KIF18A: variants seen among roughly 807,000 people sequenced by gnomAD.
KIF18A encodes the protein kinesin family member 18A, also known as kinesin-like protein KIF18A.
A neutral mutation model predicts 103.3 loss-of-function variants in KIF18A; 67 were observed. The ratio of observed to expected loss-of-function variants is 0.65; its 90% CI spans 0.53 to 0.79. The LOEUF is 0.79. Ranked by LOEUF, KIF18A falls within the 30% of genes least tolerant of loss-of-function variation. KIF18A has a pLI of 0.00. For missense variants in KIF18A, 1,032 were observed against 1,062.5 expected (o/e 0.97, Z 0.40); for synonymous variants, 367 against 355.5 (o/e 1.03, Z -0.36).
intron 13 of KIF18A, among the ~76,000 whole-genome samples, chr11:28,042,361 TC>T (rs1159537812): frequency 1.3e-5 from 2 of 151,876 alleles, no homozygotes; most frequent in Non-Finnish European, 2.9e-5. Context: ...CTCTGCATAT[TC>T]ATCTCTGGAC....
In KIF18A at chr11:28,088,582, T is replaced by C; in HGVS notation, c.839A>G (p.Asn280Ser). ...AAGAGCTAAAAGTGATCTATTAATATTTGTGCCTTCTACAAATCGGGTCCC... is the reference window on the plus strand; with the variant it reads ...AAGAGCTAAAAGTGATCTATTAATACTTGTGCCTTCTACAAATCGGGTCCC... ...AKGTRFVEGT[N>S]INRSLLALGN... The change falls in exon 6 of 17, where the codon AAT becomes AGT. Residue 280 changes from asparagine (N) to serine (S), a missense_variant. Asn to Ser is a conservative substitution (Grantham distance 46, BLOSUM62 1). Coordinates refer to ENST00000263181, the MANE Select transcript of KIF18A (RefSeq NM_031217.4). 6.2e-7 allele frequency: 1 copy of C among 1,614,080 alleles called. No homozygotes were observed.
At chr11:28,093,291 G>A (rs1478093637) in intron 3 of KIF18A, among the ~76,000 whole-genome samples, 1 of 152,092 alleles carries the variant, frequency 6.6e-6, no homozygotes, top group Non-Finnish European at 1.5e-5. Flanking sequence ...CAAAGAAAAT[G>A]AGTTTTACTT....
chr11:28,033,911 A>C (rs1177088612), intron 15 of KIF18A, among the ~76,000 whole-genome samples: 1 of 151,724 alleles, frequency 6.6e-6, no homozygotes, highest in Non-Finnish European at 1.5e-5. Context: ...ATTTACACTG[A>C]TGTGATTATT....
intron 11 of KIF18A, among the ~76,000 whole-genome samples, chr11:28,066,418 A>G (rs1850924232): frequency 6.6e-6 from 1 of 152,022 alleles, no homozygotes; most frequent in African/African-American, 2.4e-5. Context: ...GTTGCATTCT[A>G]TGATGAGCCT....
intron 15 of KIF18A, among the ~76,000 whole-genome samples, chr11:28,030,826 A>T (rs1590661861): frequency 2.0e-5 from 3 of 149,812 alleles, no homozygotes; most frequent in South Asian, 4.3e-4. Flanking sequence ...AACTCAAACA[A>T]ATTTACAAGA....
rs768620595 is a variant in KIF18A, at chr11:28,035,508, G to C, written c.2397-14C>G. On this transcript the variant is annotated splice_polypyrimidine_tract_variant and intron_variant, in intron 14 of 16. Coordinates refer to ENST00000263181, the MANE Select transcript of KIF18A (RefSeq NM_031217.4). ...GAAGGATCAAGCCTGTATATTAATAGTGACAAATAAAAAATAATAATTTTG... is the reference window on the plus strand; with the variant it reads ...GAAGGATCAAGCCTGTATATTAATACTGACAAATAAAAAATAATAATTTTG... 7.1e-7 allele frequency: 1 copy of C among 1,416,012 alleles called. No homozygotes were observed. Among genetic ancestry groups the C allele is most frequent in the South Asian group, 1.5e-5 (1 of 68,898 alleles). The allele number at this position is 1,416,012 out of a possible 1,614,324, so 87.7% of individuals were successfully genotyped here. A position where few individuals can be genotyped will look rare whatever the true frequency, so the allele number is the denominator to read the frequency against.
In KIF18A at chr11:28,062,439, C is replaced by T; in HGVS notation, c.1668G>A (p.Met556Ile). The change falls in exon 12 of 17, where the codon ATG (methionine) becomes ATA (isoleucine). Residue 556 changes from methionine to isoleucine, a missense_variant. Physicochemically the swap from Met to Ile is conservative, Grantham distance 10 (BLOSUM62 1). Coordinates refer to ENST00000263181, the MANE Select transcript of KIF18A (RefSeq NM_031217.4). ...GCTGTTCCTGAAGACAAGCTAGATC[C>T]ATCATATGTCTAATTTGTGCTTTCA... ...KDLKAQIRHM[M>I]DLACLQEQQH... 6.8e-6 allele frequency: 11 copies of T among 1,611,674 alleles called. No homozygotes were observed. The highest frequency in any genetic ancestry group is 9.3e-6 in the Non-Finnish European group (11 of 1,178,534).
intron 14 of KIF18A, among the ~76,000 whole-genome samples, chr11:28,035,839 A>C (rs1254002290): frequency 6.6e-6 from 1 of 151,698 alleles, no homozygotes; most frequent in African/African-American, 2.4e-5. Context: ...TGACCATTTC[A>C]GAGTAAGTTG....
At chr11:28,106,977 A>T (rs955694159) in intron 1 of KIF18A, among the ~76,000 whole-genome samples, 1 of 152,192 alleles carries the variant, frequency 6.6e-6, no homozygotes, top group Non-Finnish European at 1.5e-5. Context: ...TCTCAAATAA[A>T]TGAATAAATA....
At chr11:28,096,173 CAAAAAAA>C (rs1156735166) in intron 2 of KIF18A, among the ~76,000 whole-genome samples, 7 of 49,694 alleles carry the variant, frequency 1.4e-4, no homozygotes, top group African/African-American at 8.9e-5. Context: ...AAGACTTCAT[CAAAAAAA>C]AAAAAAAAAA....
intron 13 of KIF18A, among the ~76,000 whole-genome samples, chr11:28,048,708 A>G (rs1348794010): frequency 6.6e-6 from 1 of 152,164 alleles, no homozygotes; most frequent in Non-Finnish European, 1.5e-5. Context: ...GAAAGGAATA[A>G]AAAACTTAAA....
chr11:28,094,521 C>A, intron 3 of KIF18A, 122 bp downstream of exon 3: 4 of 760,774 alleles, frequency 5.3e-6, no homozygotes, highest in East Asian at 2.9e-5. Context: ...AACAAATATT[C>A]AAGACAAGGA....
At chr11:28,029,335 G>T (rs10767689) in intron 15 of KIF18A, among the ~76,000 whole-genome samples, 151,786 of 152,212 alleles carry the variant, frequency 1, 75,681 homozygotes, top group Non-Finnish European at 1. Context: ...TCCACCATGA[G>T]CAAGTGGGCT....
At chr11:28,027,540 CA>C (rs1193099683) in intron 15 of KIF18A, among the ~76,000 whole-genome samples, 1 of 151,800 alleles carries the variant, frequency 6.6e-6, no homozygotes, top group African/African-American at 2.4e-5. Context: ...ACACAAAATA[CA>C]TATTTTCTAG....
intron 15 of KIF18A, among the ~76,000 whole-genome samples, chr11:28,028,075 A>G (rs1850343802): frequency 6.6e-6 from 1 of 152,096 alleles, no homozygotes. Flanking sequence ...CATTGTATCA[A>G]TAGAATGAAG....
chr11:28,066,751 A>C (rs1303856186), intron 11 of KIF18A, among the ~76,000 whole-genome samples: 54 of 150,268 alleles, frequency 3.6e-4, no homozygotes, highest in Admixed American at 1.5e-3. Context: ...TATGACCCCC[A>C]AAAAGGTCAG....
intron 6 of KIF18A, among the ~76,000 whole-genome samples, chr11:28,087,828 C>G (rs952156510): frequency 2.0e-5 from 3 of 152,126 alleles, no homozygotes; most frequent in Non-Finnish European, 4.4e-5. Context: ...TTGCATTTTT[C>G]TAATGACTAA....
At chr11:28,043,301 G>A (rs972122232) in intron 13 of KIF18A, among the ~76,000 whole-genome samples, 1 of 151,982 alleles carries the variant, frequency 6.6e-6, no homozygotes, top group African/African-American at 2.4e-5. Context: ...TGTGGCTCTG[G>A]TTCCTTCCCT....
At position 28,057,034 on chromosome 11, in the gene KIF18A, T is replaced by C. The variant is rs993366133; in HGVS notation, c.1948+1892A>G. ...TTGATCAATTATTGCTCAACATATA[T>C]ATAAAAAAAAGCAGCACCAAATGAA... On this transcript the variant is annotated intron_variant, in intron 13 of 16. Transcript: ENST00000263181. 1.5e-5 allele frequency: 3 copies of C among 199,544 alleles called. No homozygotes were observed. In the South Asian group the frequency reaches 1.9e-4, roughly 13 times the overall value. 12.4% of individuals were successfully genotyped at this position (199,544 alleles called of 1,614,324 possible).
Sources: gnomAD v4.1 joint callset for allele counts (sites outside exome capture counted in the v4.1 genomes callset) on GRCh38, gnomAD v4.1.1 for gene constraint, MANE v1.5 for transcripts, NCBI Gene and HGNC (gene_info 2026-07-23, HGNC 2026-07-21) for gene names.